TRAPPC11: variants seen among roughly 807,000 people sequenced by gnomAD.
TRAPPC11 encodes trafficking protein particle complex subunit 11.
Under a neutral mutation model 151.2 loss-of-function variants are expected in TRAPPC11, and 104 were observed. The ratio of observed to expected loss-of-function variants is 0.69; its 90% CI spans 0.59 to 0.81. The LOEUF is 0.81. TRAPPC11 is among the 30% of genes least tolerant of loss of function. The probability of loss-of-function intolerance (pLI) is 0.00; values close to 1 mark genes in which losing one functional copy is unlikely to be tolerated. For synonymous variants in TRAPPC11, 456 were observed against 472.3 expected (o/e 0.97, Z 0.45); for missense variants, 1,230 against 1,349.6 (o/e 0.91, Z 1.39).
At chr4:183,676,093 A>G (rs1735392112) in intron 7 of TRAPPC11, among the ~76,000 whole-genome samples, 1 of 152,158 alleles carries the variant, frequency 6.6e-6, no homozygotes, top group Non-Finnish European at 1.5e-5. Context: ...TTAAGTACCA[A>G]AGCACCAAGT....
chr4:183,688,264 G>GA (rs899190727), intron 18 of TRAPPC11, among the ~76,000 whole-genome samples: 5 of 152,104 alleles, frequency 3.3e-5, no homozygotes, highest in Non-Finnish European at 5.9e-5. Context: ...AGGCATGCCA[G>GA]AAAAAAGGGA....
intron 29 of TRAPPC11, among the ~76,000 whole-genome samples, chr4:183,709,498 T>G (rs374179980): frequency 6.6e-6 from 1 of 152,126 alleles, no homozygotes; most frequent in Non-Finnish European, 1.5e-5. Context: ...AAAAGAGGCC[T>G]GGCGCAGTGG....
chr4:183,680,367 A>G, intron 10 of TRAPPC11, 100 bp downstream of exon 10: 1 of 1,294,308 alleles, frequency 7.7e-7, no homozygotes, highest in Non-Finnish European at 1.0e-6. Context: ...CCAAGTCTTT[A>G]AATTTAATTA....
intron 8 of TRAPPC11, among the ~76,000 whole-genome samples, chr4:183,677,914 G>A (rs1262090665): frequency 1.3e-5 from 2 of 151,308 alleles, no homozygotes; most frequent in East Asian, 3.9e-4. Context: ...GCACAGAAAA[G>A]AAGTGTCTAT....
chr4:183,697,876 TGCGC>T (rs147708886), intron 25 of TRAPPC11, 41 bp downstream of exon 25: 17 of 1,571,216 alleles, frequency 1.1e-5, no homozygotes, highest in South Asian at 3.4e-5. Flanking sequence ...AGGAGAATTG[TGCGC>T]GCGTGTGTGT....
chr4:183,685,028 G>A, intron 15 of TRAPPC11, 56 bp from the exon 16 acceptor site: 2 of 1,523,460 alleles, frequency 1.3e-6, no homozygotes, highest in Admixed American at 1.8e-5. Context: ...AATAAATGGG[G>A]GTAGTAGACT....
At chr4:183,660,645 A>G (rs1734432886) in intron 1 of TRAPPC11, among the ~76,000 whole-genome samples, 1 of 152,218 alleles carries the variant, frequency 6.6e-6, no homozygotes, top group Admixed American at 6.5e-5. Flanking sequence ...GAGTTATTAC[A>G]GGAAATGGCC....
At chr4:183,685,172 G>A in intron 16 of TRAPPC11, 27 bp downstream of exon 16, 1 of 1,611,844 alleles carries the variant, frequency 6.2e-7, no homozygotes, top group Non-Finnish European at 8.5e-7. Context: ...TATATAGAGT[G>A]TGTTATTAGG....
intron 5 of TRAPPC11, among the ~76,000 whole-genome samples, chr4:183,670,787 G>A (rs747735239): frequency 1.5e-4 from 23 of 151,492 alleles, no homozygotes; most frequent in Non-Finnish European, 2.4e-4. Context: ...TTTGCTTTTG[G>A]TTTTTGGTTT....
chr4:183,659,970 T>G (rs1013119995), intron 1 of TRAPPC11, among the ~76,000 whole-genome samples: 1 of 152,240 alleles, frequency 6.6e-6, no homozygotes, highest in African/African-American at 2.4e-5. Context: ...TTCTTATCTT[T>G]CACGCTAGTT....
intron 17 of TRAPPC11, 45 bp from the exon 18 acceptor site, chr4:183,686,573 G>A: frequency 1.2e-6 from 2 of 1,602,870 alleles, no homozygotes; most frequent in Non-Finnish European, 1.7e-6. Context: ...TGTGGGTCGT[G>A]GGTATCTGGT....
chr4:183,660,846 T>TG (rs2111272264), intron 1 of TRAPPC11, among the ~76,000 whole-genome samples: 1 of 152,314 alleles, frequency 6.6e-6, no homozygotes, highest in South Asian at 2.1e-4. Context: ...CCCGAGTAGC[T>TG]GGGACTATAG....
In TRAPPC11 at chr4:183,693,989, C is replaced by A; in HGVS notation, c.2459C>A (p.Pro820Gln). The A allele has an allele frequency of 6.2e-7, 1 of 1,614,014 alleles. No homozygotes were observed. The highest frequency in any genetic ancestry group is 8.5e-7 in the Non-Finnish European group (1 of 1,179,900). Reference protein sequence around the residue: ...HGTELCDESYPALLTDIPVGD... With the variant: ...HGTELCDESYQALLTDIPVGD... ...ACAGAACTGTGTGATGAATCCTACCCGGCTTTACTCACTGACATTCCTGTT... is the reference window on the plus strand; with the variant it reads ...ACAGAACTGTGTGATGAATCCTACCAGGCTTTACTCACTGACATTCCTGTT... The change falls in exon 22 of 30, where the codon CCG becomes CAG. Residue 820 changes from proline (P) to glutamine (Q), a missense_variant. Physicochemically the swap from Pro to Gln is moderately conservative, Grantham distance 76. Transcript: ENST00000334690.
chr4:183,709,304 T>G (rs554580677), intron 29 of TRAPPC11, among the ~76,000 whole-genome samples: 1 of 152,356 alleles, frequency 6.6e-6, no homozygotes, highest in African/African-American at 2.4e-5. Context: ...GTGTCTGTCT[T>G]ATTCAAGTTT....
At chr4:183,662,190 C>T (rs112564037) in intron 1 of TRAPPC11, among the ~76,000 whole-genome samples, 19,390 of 151,622 alleles carry the variant, frequency 0.13, 1,560 homozygotes, top group African/African-American at 0.23. Flanking sequence ...AAACCCTGTC[C>T]ACTAAAATAC....
intron 29 of TRAPPC11, among the ~76,000 whole-genome samples, chr4:183,709,847 T>C (rs62358037): frequency 0.28 from 42,542 of 152,058 alleles, 6,660 homozygotes; most frequent in African/African-American, 0.43. Context: ...GCTTTTTAAA[T>C]ATTTTCGCCA....
At chr4:183,662,227 A>C (rs1466842840) in intron 1 of TRAPPC11, among the ~76,000 whole-genome samples, 1 of 151,948 alleles carries the variant, frequency 6.6e-6, no homozygotes, top group East Asian at 1.9e-4. Flanking sequence ...GTGGTGGTGC[A>C]TGCCTGTAGT....
At chr4:183,697,376 A>C in intron 23 of TRAPPC11, 127 bp from the exon 24 acceptor site, 1 of 855,724 alleles carries the variant, frequency 1.2e-6, no homozygotes, top group Non-Finnish European at 1.8e-6. Context: ...TGTTATCTAA[A>C]AGGCCTTTAC....
At chr4:183,702,489 C>G (rs1158179607) in intron 26 of TRAPPC11, among the ~76,000 whole-genome samples, 1 of 152,060 alleles carries the variant, frequency 6.6e-6, no homozygotes, top group Non-Finnish European at 1.5e-5. Context: ...AATGAATGAA[C>G]CAGAGCTACA....
Sources: allele counts gnomAD v4.1 joint callset (sites outside exome capture counted in the v4.1 genomes callset), GRCh38; gene constraint gnomAD v4.1.1; transcripts MANE v1.5; gene names NCBI Gene and HGNC (gene_info 2026-07-23, HGNC 2026-07-21).